Variants in ZSCAN25 observed in about 807,000 individuals in gnomAD.
ZSCAN25 encodes zinc finger and SCAN domain containing 25, also known as zinc finger and SCAN domain-containing protein 25.
In ZSCAN25, 27 loss-of-function variants were observed where a neutral mutation model predicts 38.7. That is an observed-to-expected ratio of 0.70 (90% CI 0.51 to 0.96). The LOEUF (loss-of-function observed/expected upper bound fraction) is 0.96, where lower values mean the gene tolerates loss of function less well. ZSCAN25 is among the 40% of genes least tolerant of loss of function. ZSCAN25 has a pLI of 0.00. For missense variants in ZSCAN25, 637 were observed against 705.9 expected, an observed-to-expected ratio of 0.90 and a Z score of 1.11; for synonymous variants, 273 against 277.7, an observed-to-expected ratio of 0.98 and a Z score of 0.17.
At chr7:99,732,196 G>A in the ZSCAN25 span, among the ~76,000 whole-genome samples, 1 of 152,088 alleles carries the variant, frequency 6.6e-6, no homozygotes, top group South Asian at 2.1e-4. Context: ...GTTTATAAGT[G>A]TGTGGCACCT....
the ZSCAN25 span, among the ~76,000 whole-genome samples, chr7:99,734,368 A>G: frequency 6.6e-6 from 1 of 152,000 alleles, no homozygotes; most frequent in South Asian, 2.1e-4. Flanking sequence ...GAGAAGATTC[A>G]CCCTCTTCTC....
chr7:99,675,556 G>A, the ZSCAN25 span, among the ~76,000 whole-genome samples: 7 of 148,388 alleles, frequency 4.7e-5, no homozygotes, highest in South Asian at 1.3e-3. Flanking sequence ...TTCCCTCCAG[G>A]GGTAAACCTG....
chr7:99,648,054 G>A, the ZSCAN25 span: 7 of 1,106,336 alleles, frequency 6.3e-6, no homozygotes, highest in Non-Finnish European at 7.7e-6. Flanking sequence ...GGTAGAGGTA[G>A]TCCTATGAGA....
the ZSCAN25 span, among the ~76,000 whole-genome samples, chr7:99,641,940 G>T: frequency 6.6e-6 from 1 of 152,156 alleles, no homozygotes; most frequent in Admixed American, 6.5e-5. Context: ...TAGCTAAGAT[G>T]ATTTTACATG....
the ZSCAN25 span, among the ~76,000 whole-genome samples, chr7:99,641,612 A>G: frequency 6.6e-6 from 1 of 152,168 alleles, no homozygotes; most frequent in Non-Finnish European, 1.5e-5. Context: ...TTACCACCAC[A>G]AAACCAAACT....
the ZSCAN25 span, among the ~76,000 whole-genome samples, chr7:99,682,229 C>G: frequency 6.6e-6 from 1 of 152,204 alleles, no homozygotes; most frequent in East Asian, 1.9e-4. Context: ...CTCGGCCTCT[C>G]AAAATGCTGG....
At chr7:99,652,978 T>A in the ZSCAN25 span, among the ~76,000 whole-genome samples, 1 of 152,178 alleles carries the variant, frequency 6.6e-6, no homozygotes, top group Non-Finnish European at 1.5e-5. Flanking sequence ...GGAGGAGTTA[T>A]GAATGTAGGA....
the ZSCAN25 span, among the ~76,000 whole-genome samples, chr7:99,641,256 C>T: frequency 6.6e-6 from 1 of 152,146 alleles, no homozygotes; most frequent in South Asian, 2.1e-4. Context: ...GGGATGCAAA[C>T]ATGTCCTTCT....
At position 99,621,572 on chromosome 7, in the gene ZSCAN25, A is replaced by C; in HGVS notation, c.587A>C (p.Gln196Pro). The C allele has an allele frequency of 1.4e-6, 2 of 1,444,328 alleles. No homozygotes were observed. The highest frequency in any genetic ancestry group is 1.8e-6 in the Non-Finnish European group (2 of 1,082,262). The allele number at this position is 1,444,328 out of a possible 1,614,324, so 89.5% of individuals were successfully genotyped here. Residue 196 changes from glutamine (Q) to proline (P), a missense_variant and splice_region_variant, in exon 5 of 8, where the codon CAA becomes CCA. Gln to Pro is a moderately conservative substitution (Grantham distance 76). Coordinates refer to ENST00000394152, the MANE Select transcript of ZSCAN25 (RefSeq NM_145115.3). ...GATGAGACACGGGCCTTCCAGGAGC[A>C]AGGTGAGTAAGACGCAGATAGTGGG... is the stretch of plus-strand genomic sequence containing the variant. Reference protein sequence around the residue: ...PGDETRAFQEQALPVLQAGPG... With the variant: ...PGDETRAFQEPALPVLQAGPG...
the ZSCAN25 span, among the ~76,000 whole-genome samples, chr7:99,668,348 A>G: frequency 6.6e-6 from 1 of 152,252 alleles, no homozygotes; most frequent in African/African-American, 2.4e-5. Context: ...GATATAGATT[A>G]TACCCAAATT....
intron 4 of ZSCAN25, 84 bp from the exon 5 acceptor site, chr7:99,621,289 T>C: frequency 8.2e-7 from 1 of 1,214,742 alleles, no homozygotes; most frequent in South Asian, 3.3e-5. Flanking sequence ...CTTTTCTTGG[T>C]TCTCTTTTTA....
the ZSCAN25 span, among the ~76,000 whole-genome samples, chr7:99,675,210 C>T: frequency 6.6e-6 from 1 of 152,224 alleles, no homozygotes; most frequent in East Asian, 1.9e-4. Context: ...CTACACATCA[C>T]ACCCAGCAAA....
At chr7:99,644,505 G>A in the ZSCAN25 span, among the ~76,000 whole-genome samples, 1 of 152,172 alleles carries the variant, frequency 6.6e-6, no homozygotes, top group African/African-American at 2.4e-5. Context: ...TAAAAGCATG[G>A]TGTCTTTGGT....
At chr7:99,642,162 G>A in the ZSCAN25 span, among the ~76,000 whole-genome samples, 2 of 152,150 alleles carry the variant, frequency 1.3e-5, no homozygotes, top group African/African-American at 4.8e-5. Flanking sequence ...CTAACTATCT[G>A]TCATGTTTTT....
chr7:99,717,929 TAG>T, the ZSCAN25 span, among the ~76,000 whole-genome samples: 4 of 152,012 alleles, frequency 2.6e-5, no homozygotes, highest in African/African-American at 9.7e-5. Context: ...GCGTGCAGTG[TAG>T]AGAGAGAGTG....
chr7:99,645,940 C>G, the ZSCAN25 span, among the ~76,000 whole-genome samples: 1 of 151,508 alleles, frequency 6.6e-6, no homozygotes, highest in African/African-American at 2.4e-5. Flanking sequence ...AGATTTGTTA[C>G]TGGGGTCTCT....
chr7:99,658,338 T>C, the ZSCAN25 span, among the ~76,000 whole-genome samples: 4 of 152,204 alleles, frequency 2.6e-5, no homozygotes, highest in African/African-American at 9.7e-5. Context: ...CCTTCACTTA[T>C]GAAGCTTAGT....
intron 7 of ZSCAN25, among the ~76,000 whole-genome samples, chr7:99,626,520 A>T (rs1807484596): frequency 6.6e-6 from 1 of 152,158 alleles, no homozygotes; most frequent in Non-Finnish European, 1.5e-5. Flanking sequence ...GCTTCCAAGG[A>T]TGGGCCACAG....
At chr7:99,660,545 A>T in the ZSCAN25 span, 1 of 1,613,812 alleles carries the variant, frequency 6.2e-7, no homozygotes, top group African/African-American at 1.3e-5. Context: ...TTTCTGCTGG[A>T]CATCAGGGTG....
Sources: allele counts gnomAD v4.1 joint callset (sites outside exome capture counted in the v4.1 genomes callset), GRCh38; gene constraint gnomAD v4.1.1; transcripts MANE v1.5; gene names NCBI Gene and HGNC (gene_info 2026-07-23, HGNC 2026-07-21).